Variants in TECTA observed in about 807,000 individuals in gnomAD.
The protein encoded by TECTA is alpha-tectorin.
A neutral mutation model predicts 216.8 loss-of-function variants in TECTA; 128 were observed. The observed-to-expected ratio is 0.59, with a 90% confidence interval of 0.51 to 0.68. The LOEUF is 0.68. Among genes scored for constraint, TECTA ranks in the 30% least tolerant of loss-of-function variants. TECTA has a pLI of 0.00. For missense variants in TECTA, 2,551 were observed against 2,786.2 expected (o/e 0.92, Z 1.90); for synonymous variants, 1,089 against 1,117.1 (o/e 0.97, Z 0.50).
rs1187316621 is a variant in TECTA at position 121,145,734 on chromosome 11, T to G, written c.3723T>G (p.Cys1241Trp). 2 of 1,614,122 alleles carry G rather than the reference T, an allele frequency of 1.2e-6. No homozygotes were observed. The highest frequency in any genetic ancestry group is 1.3e-5 in the African/African-American group (1 of 74,938). The change falls in exon 12 of 24, where the codon TGT (cysteine) becomes TGG (tryptophan). Residue 1241 changes from cysteine to tryptophan, a missense_variant. Cys to Trp is a radical substitution (Grantham distance 215). Transcript: ENST00000392793. ...TGCAGAACAGCACCTATGGTCTGTG[T>G]GGCCGCTACAACGGCAACCCTGATG... ...RSMQNSTYGL[C>W]GRYNGNPDDD... is the part of the protein sequence containing the mutation.
In TECTA at chr11:121,157,923, A is replaced by G. The variant is rs1432402577; in HGVS notation, c.4388A>G (p.Gln1463Arg). ...RRNVIQCDPRQCKSDEECALR... is the reference protein window; with the variant it reads ...RRNVIQCDPRRCKSDEECALR... Reference sequence around the variant, plus strand: ...AACGTGATTCAGTGCGACCCGCGCCAATGCAAGTCAGACGAGGAGTGTGCG... The same window carrying G: ...AACGTGATTCAGTGCGACCCGCGCCGATGCAAGTCAGACGAGGAGTGTGCG... Residue 1463 changes from glutamine to arginine, a missense_variant, in exon 14 of 24, where the codon CAA becomes CGA. Coordinates refer to ENST00000392793, the MANE Select transcript of TECTA (RefSeq NM_005422.4). 3.1e-6 allele frequency: 5 copies of G among 1,614,080 alleles called. No individual in the cohort carries two copies. Among genetic ancestry groups the G allele is most frequent in the Non-Finnish European group, 2.5e-6 (3 of 1,180,048 alleles).
intron 16 of TECTA, 45 bp downstream of exon 16, chr11:121,162,415 A>G: frequency 6.3e-7 from 1 of 1,591,762 alleles, no homozygotes; most frequent in Non-Finnish European, 8.5e-7. Flanking sequence ...TTCAGTGAAA[A>G]GAACAGCTTT....
chr11:121,161,745 G>T (rs962966067), intron 15 of TECTA, among the ~76,000 whole-genome samples: 3 of 151,032 alleles, frequency 2.0e-5, no homozygotes, highest in African/African-American at 4.9e-5. Flanking sequence ...ACCTGTTAAT[G>T]GTTATTATAT....
intron 16 of TECTA, among the ~76,000 whole-genome samples, chr11:121,164,613 C>T (rs1471292755): frequency 2.0e-5 from 3 of 152,038 alleles, no homozygotes; most frequent in Admixed American, 6.6e-5. Context: ...ATAGTTTTCC[C>T]CTTTTGGCAA....
chr11:121,116,642 G>A (rs1324810377), intron 6 of TECTA, among the ~76,000 whole-genome samples: 2 of 152,206 alleles, frequency 1.3e-5, no homozygotes, highest in Non-Finnish European at 2.9e-5. Context: ...TCAATCTAAT[G>A]AGACTGGGAT....
chr11:121,165,418 GC>G (rs990187990), intron 17 of TECTA, 35 bp downstream of exon 17: 4 of 1,532,476 alleles, frequency 2.6e-6, no homozygotes, highest in Non-Finnish European at 3.5e-6. Flanking sequence ...ACCCAGAAAG[GC>G]CCCATGGGAG....
chr11:121,172,816 G>A (rs1268447086), intron 20 of TECTA, among the ~76,000 whole-genome samples: 1 of 151,900 alleles, frequency 6.6e-6, no homozygotes, highest in African/African-American at 2.4e-5. Flanking sequence ...CAGTGTAAAA[G>A]TGTTCCTATT....
intron 3 of TECTA, among the ~76,000 whole-genome samples, chr11:121,108,355 AGTACACACACAT>A (rs1403046100): frequency 1.3e-5 from 2 of 149,988 alleles, no homozygotes; most frequent in Non-Finnish European, 3.0e-5. Flanking sequence ...CACCACCCTC[AGTACACACACAT>A]GTACACACCA....
At chr11:121,190,296 G>A (rs1355466579) in intron 23 of TECTA, among the ~76,000 whole-genome samples, 3 of 151,986 alleles carry the variant, frequency 2.0e-5, no homozygotes, top group South Asian at 2.1e-4. Flanking sequence ...ATGGAGTCTC[G>A]CTCTGTTGCC....
chr11:121,109,360 C>T lies in TECTA; in HGVS notation c.348C>T (p.Thr116=). 6.2e-7 allele frequency: 1 copy of T among 1,614,120 alleles called. No individual in the cohort carries two copies. Among genetic ancestry groups the T allele is most frequent in the South Asian group, 1.1e-5 (1 of 91,074 alleles). ...GIRGEIYYRE[T]MEPAILKRAT... The stretch of plus-strand genomic sequence containing the variant: ...GAGGCGAGATCTATTACAGAGAGAC[C>T]ATGGAGCCTGCCATCTTGAAAAGAG... The change falls in exon 4 of 24, where the codon ACC becomes ACT. Residue 116 remains threonine (T), a synonymous_variant. Coordinates refer to ENST00000392793, the MANE Select transcript of TECTA (RefSeq NM_005422.4).
At chr11:121,152,753 G>A (rs1222765570) in intron 12 of TECTA, 128 bp from the exon 13 acceptor site, 10 of 938,120 alleles carry the variant, frequency 1.1e-5, no homozygotes, top group African/African-American at 4.9e-5. Context: ...GAAGAAAGGC[G>A]GCAGACCTCC....
At chr11:121,134,585 T>TC (rs1946707921) in intron 10 of TECTA, among the ~76,000 whole-genome samples, 1 of 150,040 alleles carries the variant, frequency 6.7e-6, no homozygotes, top group Non-Finnish European at 1.5e-5. Context: ...TTTTTTTTTT[T>TC]CATCCACCTC....
chr11:121,171,578 G>C (rs1947112611), intron 20 of TECTA, among the ~76,000 whole-genome samples: 1 of 151,862 alleles, frequency 6.6e-6, no homozygotes, highest in Non-Finnish European at 1.5e-5. Flanking sequence ...CTTTCCATTT[G>C]TCCTCTTCAA....
intron 20 of TECTA, among the ~76,000 whole-genome samples, chr11:121,169,687 A>ATTTT (rs1947092077): frequency 6.6e-6 from 1 of 152,136 alleles, no homozygotes; most frequent in South Asian, 2.1e-4. Context: ...ATTTTAGAAC[A>ATTTT]TTTTTGTCAC....
At position 121,190,911 on chromosome 11, in the gene TECTA, C is replaced by A; in HGVS notation, c.*105C>A. On this transcript the variant is annotated 3_prime_UTR_variant, in exon 24 of 24. Transcript: ENST00000392793. ...TCAAAACCTATTTGAAAGTGTCCAG[C>A]ATCTCAAAATGATGCCACCTGCCTC... is the stretch of plus-strand genomic sequence containing the variant. The A allele has an allele frequency of 1.1e-6, 1 of 895,786 alleles. No homozygotes were observed. The highest frequency in any genetic ancestry group is 1.7e-6 in the Non-Finnish European group (1 of 571,442). 55.5% of individuals were successfully genotyped at this position (895,786 alleles called of 1,614,324 possible). A position where few individuals can be genotyped will look rare whatever the true frequency, so the allele number is the denominator to read the frequency against.
intron 2 of TECTA, among the ~76,000 whole-genome samples, chr11:121,104,642 A>T (rs1168257414): frequency 6.6e-6 from 1 of 152,006 alleles, no homozygotes; most frequent in Non-Finnish European, 1.5e-5. Flanking sequence ...TTGTCTGTTC[A>T]CCAAAAGCCT....
At chr11:121,157,732 C>CATT in intron 13 of TECTA, 109 bp from the exon 14 acceptor site, 1 of 1,515,072 alleles carries the variant, frequency 6.6e-7, no homozygotes, top group Non-Finnish European at 9.1e-7. Context: ...ATTCCAGCCC[C>CATT]ATTAAAGATA....
At chr11:121,137,172 G>A (rs1335441096) in intron 10 of TECTA, among the ~76,000 whole-genome samples, 2 of 151,878 alleles carry the variant, frequency 1.3e-5, no homozygotes, top group East Asian at 3.9e-4. Context: ...ATGCACAGAT[G>A]TGTGCACACA....
chr11:121,177,548 A>G (rs1565538702), intron 20 of TECTA, among the ~76,000 whole-genome samples: 1 of 152,174 alleles, frequency 6.6e-6, no homozygotes, highest in Non-Finnish European at 1.5e-5. Context: ...TTTGTCTCAG[A>G]GGAGTACCCG....
Sources: allele counts gnomAD v4.1 joint callset (sites outside exome capture counted in the v4.1 genomes callset), GRCh38; gene constraint gnomAD v4.1.1; transcripts MANE v1.5; gene names NCBI Gene and HGNC (gene_info 2026-07-23, HGNC 2026-07-21).